The following PRKDC variants were observed in gnomAD, a reference collection of about 807,000 sequenced individuals.
PRKDC encodes protein kinase, DNA-activated, catalytic subunit, also known as DNA-dependent protein kinase catalytic subunit.
PRKDC carries 82 observed loss-of-function variants against 486.9 expected under a neutral mutation model. That is an observed-to-expected ratio of 0.17 (90% CI 0.14 to 0.20). The LOEUF (loss-of-function observed/expected upper bound fraction) is 0.20, where lower values mean the gene tolerates loss of function less well. PRKDC is among the 10% of genes least tolerant of loss of function. The probability of loss-of-function intolerance (pLI) is 1.00; values close to 1 mark genes in which losing one functional copy is unlikely to be tolerated. For missense variants in PRKDC, 4,504 were observed against 5,038.2 expected (o/e 0.89, Z 3.21); for synonymous variants, 1,895 against 1,837.0 (o/e 1.03, Z -0.81).
chr8:47,870,700 G>GCCAAGAAA (rs1197558872), intron 40 of PRKDC, among the ~76,000 whole-genome samples: 1 of 152,080 alleles, frequency 6.6e-6, no homozygotes, highest in Non-Finnish European at 1.5e-5. Context: ...ATCAAAACCA[G>GCCAAGAAA]CCAAGAAAAC....
At chr8:47,905,030 G>C in intron 25 of PRKDC, 54 bp from the exon 26 acceptor site, 1 of 1,279,332 alleles carries the variant, frequency 7.8e-7, no homozygotes, top group Non-Finnish European at 1.1e-6. Context: ...GAAATGTTAC[G>C]CTGTAAAGGG....
chr8:47,914,090 G>GA (rs762524024), intron 23 of PRKDC, 26 bp from the exon 24 acceptor site: 1 of 1,416,548 alleles, frequency 7.1e-7, no homozygotes, highest in South Asian at 1.8e-5. Flanking sequence ...TAAGAAGAAT[G>GA]AAACACTTTT....
At chr8:47,821,511 C>A in intron 65 of PRKDC, 93 bp downstream of exon 65, 1 of 1,247,624 alleles carries the variant, frequency 8.0e-7, no homozygotes, top group Non-Finnish European at 1.1e-6. Flanking sequence ...TTCACAAGTA[C>A]TACCTGTTTT....
Position 47,933,263 on chromosome 8 carries a change from T to C in PRKDC, c.1624-91A>G, listed in dbSNP as rs564170674. On this transcript the variant is annotated intron_variant, in intron 15 of 85. Transcript: ENST00000314191. Reference sequence around the variant, plus strand: ...ATTAAGACACATACACAGATGTATGTGCCGGTTTGGGTATTATGGAAACAG... The same window carrying C: ...ATTAAGACACATACACAGATGTATGCGCCGGTTTGGGTATTATGGAAACAG... The C allele has an allele frequency of 2.8e-6, 3 of 1,075,540 alleles. No individual in the cohort carries two copies. In the African/African-American group the frequency reaches 5.0e-5, roughly 18 times the overall value. 66.6% of individuals were successfully genotyped at this position (1,075,540 alleles called of 1,614,324 possible).
At chr8:47,798,692 C>T (rs1000117768) in intron 72 of PRKDC, among the ~76,000 whole-genome samples, 254 of 152,088 alleles carry the variant, frequency 1.7e-3, no homozygotes, top group African/African-American at 5.9e-3. Context: ...GCAGGCCACA[C>T]GAGCCAGTAA....
At chr8:47,863,700 T>TA in intron 41 of PRKDC, 123 bp from the exon 42 acceptor site, 1 of 779,784 alleles carries the variant, frequency 1.3e-6, no homozygotes, top group East Asian at 2.9e-5. Flanking sequence ...TCAAAAATGC[T>TA]AAATCACTTC....
intron 21 of PRKDC, among the ~76,000 whole-genome samples, chr8:47,926,393 CCAATAAGATTTAA>C (rs1289230360): frequency 6.6e-6 from 1 of 152,078 alleles, no homozygotes; most frequent in Non-Finnish European, 1.5e-5. Context: ...TGTTTCCAAG[CCAATAAGATTTAA>C]CAATAAAATA....
At chr8:47,952,879 C>A (rs1201028191) in intron 7 of PRKDC, among the ~76,000 whole-genome samples, 1 of 152,136 alleles carries the variant, frequency 6.6e-6, no homozygotes, top group South Asian at 2.1e-4. Context: ...GTGGCTCATG[C>A]CTGTAATCCC....
intron 19 of PRKDC, 114 bp downstream of exon 19, chr8:47,928,978 C>T: frequency 1.1e-6 from 1 of 869,730 alleles, no homozygotes; most frequent in Non-Finnish European, 1.8e-6. Context: ...GCATGAGCCA[C>T]CGCACCCAGC....
At chr8:47,910,591 C>A (rs1227191543) in intron 25 of PRKDC, among the ~76,000 whole-genome samples, 1 of 152,196 alleles carries the variant, frequency 6.6e-6, no homozygotes, top group Non-Finnish European at 1.5e-5. Context: ...CTCCCTCCAG[C>A]GTGCAACCCT....
intron 21 of PRKDC, 101 bp downstream of exon 21, chr8:47,927,093 G>T: frequency 8.9e-7 from 1 of 1,125,174 alleles, no homozygotes; most frequent in East Asian, 2.7e-5. Context: ...TGAACACACT[G>T]GGCTTAAATT....
At chr8:47,797,535 T>A (rs2087006708) in intron 73 of PRKDC, among the ~76,000 whole-genome samples, 1 of 152,210 alleles carries the variant, frequency 6.6e-6, no homozygotes, top group South Asian at 2.1e-4. Context: ...ACGAACCATG[T>A]AACCCTTTTT....
In PRKDC at chr8:47,905,057, T is replaced by C. The variant is rs8178062; in HGVS notation, c.2935-81A>G. On this transcript the variant is annotated intron_variant, in intron 25 of 85. Transcript: ENST00000314191. ...TGTAAAGGGTTCCATTTAAATGCCA[T>C]TTGCAGTATAAAATTAAGTAATACT... 4,130 of 1,029,032 alleles carry C rather than the reference T, an allele frequency of 4.0e-3. 11 individuals carry two copies. Among genetic ancestry groups the C allele is most frequent in the Non-Finnish European group, 5.0e-3 (3,429 of 681,736 alleles). The allele number at this position is 1,029,032 out of a possible 1,614,324, so 63.7% of individuals were successfully genotyped here.
intron 74 of PRKDC, among the ~76,000 whole-genome samples, chr8:47,790,238 T>G (rs1049621235): frequency 1.5e-4 from 23 of 152,230 alleles, no homozygotes; most frequent in Admixed American, 1.0e-3. Flanking sequence ...CATACAAAAA[T>G]CAGTAGCATT....
intron 68 of PRKDC, among the ~76,000 whole-genome samples, chr8:47,816,000 G>A (rs2087434310): frequency 6.6e-6 from 1 of 152,162 alleles, no homozygotes. Flanking sequence ...GATCACTTGA[G>A]GTCAGGAGTT....
intron 68 of PRKDC, among the ~76,000 whole-genome samples, chr8:47,815,937 T>C (rs1159928918): frequency 6.6e-6 from 1 of 152,182 alleles, no homozygotes; most frequent in African/African-American, 2.4e-5. Context: ...AGGCTGGGCA[T>C]GGTAAGTAAT....
chr8:47,777,052 A>C (rs2086621255), intron 84 of PRKDC, 69 bp from the exon 85 acceptor site: 7 of 1,514,400 alleles, frequency 4.6e-6, no homozygotes, highest in African/African-American at 2.8e-5. Flanking sequence ...AAACAGATTA[A>C]ATCTAGTAAT....
intron 74 of PRKDC, among the ~76,000 whole-genome samples, chr8:47,791,871 A>C (rs550581645): frequency 1.3e-5 from 2 of 152,324 alleles, no homozygotes; most frequent in African/African-American, 4.8e-5. Flanking sequence ...AAAAGAAAGG[A>C]TATCAGTATG....
chr8:47,807,585 A>AT (rs1409656019), intron 68 of PRKDC, among the ~76,000 whole-genome samples: 1 of 149,620 alleles, frequency 6.7e-6, no homozygotes, highest in Non-Finnish European at 1.5e-5. Flanking sequence ...CACCCGGCTA[A>AT]TTTTTTGTAT....
Sources: gnomAD v4.1 joint callset for allele counts (sites outside exome capture counted in the v4.1 genomes callset) on GRCh38, gnomAD v4.1.1 for gene constraint, MANE v1.5 for transcripts, NCBI Gene and HGNC (gene_info 2026-07-23, HGNC 2026-07-21) for gene names.